AGAP1: variants seen among roughly 807,000 people sequenced by gnomAD.
The protein encoded by AGAP1 is arf-GAP with GTPase, ANK repeat and PH domain-containing protein 1.
Under a neutral mutation model 105.3 loss-of-function variants are expected in AGAP1, and 29 were observed. That is an observed-to-expected ratio of 0.28 (90% CI 0.21 to 0.38). The LOEUF (loss-of-function observed/expected upper bound fraction) is 0.38. Ranked by LOEUF, AGAP1 falls within the 10% of genes least tolerant of loss-of-function variation. AGAP1 has a pLI of 1.00. For missense variants in AGAP1, 998 were observed against 1,165.1 expected, an observed-to-expected ratio of 0.86 and a Z score of 2.09; for synonymous variants, 509 against 485.9, an observed-to-expected ratio of 1.05 and a Z score of -0.63.
intron 16 of AGAP1, among the ~76,000 whole-genome samples, chr2:236,097,616 C>G (rs1296355536): frequency 1.3e-5 from 2 of 151,882 alleles, no homozygotes; most frequent in Admixed American, 6.6e-5. Context: ...TGGTCTCAGC[C>G]AGGCGCAGTG....
rs983261854 is a variant in AGAP1, at chr2:236,027,334, A to T, written c.1646-9227A>T. 6.6e-6 allele frequency among the ~76,000 whole-genome samples: 1 copy of T among 152,164 alleles called. No homozygotes were observed. The highest frequency in any genetic ancestry group is 1.5e-5 in the Non-Finnish European group (1 of 68,036). On this transcript the variant is annotated intron_variant, in intron 13 of 17. Coordinates refer to ENST00000304032, the MANE Select transcript of AGAP1 (RefSeq NM_001037131.3). The surrounding 1 kb of genome is among the most constrained non-coding windows in gnomAD (Gnocchi z 4.4). ...GGATTCCACTCGGCAGTGTTGGTGT[A>T]GAGTGGCCTTAATTAGGCTCTGTGC...
intron 9 of AGAP1, among the ~76,000 whole-genome samples, chr2:235,856,838 G>A (rs1040712193): frequency 1.2e-4 from 18 of 152,246 alleles, no homozygotes; most frequent in Non-Finnish European, 2.2e-4. Context: ...CAGACCTGAA[G>A]GCCTCCTGCA....
At position 235,751,455 on chromosome 2, in the gene AGAP1, T is replaced by G. The variant is rs1184878614; in HGVS notation, c.673+967T>G. Among the ~76,000 whole-genome samples the G allele has an allele frequency of 2.0e-5, 3 of 152,038 alleles. No homozygotes were observed. The highest frequency in any genetic ancestry group is 7.2e-5 in the African/African-American group (3 of 41,400). On this transcript the variant is annotated intron_variant, in intron 6 of 17. Transcript: ENST00000304032. This position sits in a 1 kb window ranked among gnomAD's most constrained non-coding sequence, Gnocchi z 5.3. ...AGCCACACTCGGGCTCTCCAGAGAGTGCTGGAGCCGCTTCAAGGTGATGGA... is the reference window on the plus strand; with the variant it reads ...AGCCACACTCGGGCTCTCCAGAGAGGGCTGGAGCCGCTTCAAGGTGATGGA...
Position 236,044,054 on chromosome 2 carries a change from C to A in AGAP1, c.1891+3213C>A, listed in dbSNP as rs1559220883. Among the ~76,000 whole-genome samples the A allele has an allele frequency of 6.6e-6, 1 of 152,140 alleles. No homozygotes were observed. On this transcript the variant is annotated intron_variant, in intron 15 of 17. Coordinates refer to ENST00000304032, the MANE Select transcript of AGAP1 (RefSeq NM_001037131.3). The surrounding 1 kb of genome is among the most constrained non-coding windows in gnomAD (Gnocchi z 5.7). ...CTGGGCACATCCCAGAGCACTGTTTCCAGAGTGGACGCTGAGCCTCTGGAG... is the reference window on the plus strand; with the variant it reads ...CTGGGCACATCCCAGAGCACTGTTTACAGAGTGGACGCTGAGCCTCTGGAG...
rs2056122749 is a variant in AGAP1, at chr2:236,001,574, G to C, written c.1645+32951G>C. 6.6e-6 allele frequency among the ~76,000 whole-genome samples: 1 copy of C among 152,174 alleles called. No individual in the cohort carries two copies. The highest frequency in any genetic ancestry group is 1.5e-5 in the Non-Finnish European group (1 of 68,050). On this transcript the variant is annotated intron_variant, in intron 13 of 17. Coordinates refer to ENST00000304032, the MANE Select transcript of AGAP1 (RefSeq NM_001037131.3). The surrounding 1 kb of genome is among the most constrained non-coding windows in gnomAD (Gnocchi z 4.7). ...CAGACTGTGGCTTGCAAGCAGAGCT[G>C]GCAGGACTTGCTGAAAGAGTTAATA...
chr2:235,603,756 T>G (rs1301487050), intron 1 of AGAP1, among the ~76,000 whole-genome samples: 1 of 152,216 alleles, frequency 6.6e-6, no homozygotes, highest in Non-Finnish European at 1.5e-5. Context: ...GTGTGAAGTA[T>G]TTTCTCCTCT....
chr2:236,031,580 T>C (rs1320190125), intron 13 of AGAP1, among the ~76,000 whole-genome samples: 1 of 152,076 alleles, frequency 6.6e-6, no homozygotes, highest in Non-Finnish European at 1.5e-5. Flanking sequence ...CTCCCAATCA[T>C]GTGTGAGACG....
At chr2:235,898,006 A>G (rs1000101772) in intron 10 of AGAP1, among the ~76,000 whole-genome samples, 3 of 152,118 alleles carry the variant, frequency 2.0e-5, no homozygotes, top group Admixed American at 6.5e-5. Flanking sequence ...ATCAACAGCA[A>G]TCTAGCTGCA....
intron 1 of AGAP1, among the ~76,000 whole-genome samples, chr2:235,640,547 G>C: frequency 6.6e-6 from 1 of 152,180 alleles, no homozygotes; most frequent in Admixed American, 6.5e-5. Context: ...TGCATTTCCT[G>C]GTTGTTTACT....
At chr2:235,772,031 T>G (rs975982415) in intron 6 of AGAP1, among the ~76,000 whole-genome samples, 1 of 146,130 alleles carries the variant, frequency 6.8e-6, no homozygotes, top group African/African-American at 2.5e-5. Context: ...AGTCTCACTC[T>G]GTTGCCCAGG....
At position 235,566,675 on chromosome 2, in the gene AGAP1, A is replaced by G. The variant is rs928869064; in HGVS notation, c.163+71826A>G. 27 of 897,208 alleles carry G rather than the reference A, an allele frequency of 3.0e-5. No homozygotes were observed. In the East Asian group the frequency reaches 3.6e-4, roughly 12 times the overall value. 55.6% of individuals were successfully genotyped at this position (897,208 alleles called of 1,614,324 possible). ...GCCGCAGGACCAGCCGGGACCGGGG[A>G]GAGGCTGTTCGAGGAACACAGGATG... On this transcript the variant is annotated intron_variant, in intron 1 of 17. Transcript: ENST00000304032. The surrounding 1 kb of genome is among the most constrained non-coding windows in gnomAD (Gnocchi z 5.2).
intron 9 of AGAP1, among the ~76,000 whole-genome samples, chr2:235,862,863 A>G (rs555652874): frequency 6.6e-6 from 1 of 152,276 alleles, no homozygotes; most frequent in Admixed American, 6.5e-5. Context: ...CCGTGCGTGC[A>G]TTGAGACTGT....
At chr2:235,548,183 G>A (rs1478159637) in intron 1 of AGAP1, among the ~76,000 whole-genome samples, 4 of 152,190 alleles carry the variant, frequency 2.6e-5, no homozygotes, top group Non-Finnish European at 5.9e-5. Flanking sequence ...AGTGGACTGC[G>A]TCTCGTCTCC....
intron 6 of AGAP1, among the ~76,000 whole-genome samples, chr2:235,772,802 G>A (rs536474375): frequency 2.6e-5 from 4 of 152,298 alleles, no homozygotes; most frequent in South Asian, 4.1e-4. Flanking sequence ...GGCCGCCCTC[G>A]GAGCCTGGGA....
chr2:235,806,283 A>G (rs1223536879), intron 8 of AGAP1, among the ~76,000 whole-genome samples: 1 of 152,184 alleles, frequency 6.6e-6, no homozygotes, highest in Non-Finnish European at 1.5e-5. Context: ...TGTGTGAGTA[A>G]TGTTCCCATT....
Position 235,601,845 on chromosome 2 carries a change from A to G in AGAP1, c.163+106996A>G, listed in dbSNP as rs987129912. 4.6e-5 allele frequency among the ~76,000 whole-genome samples: 7 copies of G among 152,174 alleles called. No homozygotes were observed. Among genetic ancestry groups the G allele is most frequent in the African/African-American group, 1.7e-4 (7 of 41,444 alleles). On this transcript the variant is annotated intron_variant, in intron 1 of 17. Coordinates refer to ENST00000304032, the MANE Select transcript of AGAP1 (RefSeq NM_001037131.3). The surrounding 1 kb of genome is among the most constrained non-coding windows in gnomAD (Gnocchi z 4.4). Reference sequence around the variant, plus strand: ...CCAGCAGGCCCTGTTTTTCTGGTACAGTCACACTGGAGGTTCAACACAATC... The same window carrying G: ...CCAGCAGGCCCTGTTTTTCTGGTACGGTCACACTGGAGGTTCAACACAATC...
Position 236,046,812 on chromosome 2 carries a change from G to T in AGAP1, c.1892-2247G>T, listed in dbSNP as rs1203783009. ...ACCAGGAAAGTGGGGAAAAAATCCAGAGAGGTCGTTGACCAAAAAGGTATC... is the reference window on the plus strand; with the variant it reads ...ACCAGGAAAGTGGGGAAAAAATCCATAGAGGTCGTTGACCAAAAAGGTATC... On this transcript the variant is annotated intron_variant, in intron 15 of 17. Coordinates refer to ENST00000304032, the MANE Select transcript of AGAP1 (RefSeq NM_001037131.3). This position sits in a 1 kb window ranked among gnomAD's most constrained non-coding sequence, Gnocchi z 5.2. 1.3e-5 allele frequency among the ~76,000 whole-genome samples: 2 copies of T among 152,156 alleles called. No individual in the cohort carries two copies. The highest frequency in any genetic ancestry group is 4.8e-5 in the African/African-American group (2 of 41,430).
At chr2:236,075,481 G>A (rs1010540897) in intron 16 of AGAP1, among the ~76,000 whole-genome samples, 1 of 152,154 alleles carries the variant, frequency 6.6e-6, no homozygotes, top group Admixed American at 6.5e-5. Flanking sequence ...CATCGTAATA[G>A]TGAACTGTGT....
At chr2:235,726,002 G>T (rs978361103) in intron 3 of AGAP1, among the ~76,000 whole-genome samples, 3 of 152,228 alleles carry the variant, frequency 2.0e-5, no homozygotes, top group African/African-American at 7.2e-5. Context: ...TGGCATTGAT[G>T]AAATTGGCAG....
Sources: allele counts gnomAD v4.1 joint callset (sites outside exome capture counted in the v4.1 genomes callset), GRCh38; gene constraint gnomAD v4.1.1; non-coding constraint Gnocchi (gnomAD v3.1); transcripts MANE v1.5; gene names NCBI Gene and HGNC (gene_info 2026-07-23, HGNC 2026-07-21).